GLB1: variants seen among roughly 807,000 people sequenced by gnomAD.
GLB1 encodes the protein galactosidase beta 1, also known as beta-galactosidase.
GLB1 carries 56 observed loss-of-function variants against 74.0 expected under a neutral mutation model. The ratio of observed to expected loss-of-function variants is 0.76; its 90% CI spans 0.61 to 0.94. The LOEUF (loss-of-function observed/expected upper bound fraction) is 0.94. Ranked by LOEUF, GLB1 falls within the 40% of genes least tolerant of loss-of-function variation. GLB1 has a pLI of 0.00. For synonymous variants in GLB1, 323 were observed against 323.6 expected (o/e 1.00, Z 0.02); for missense variants, 787 against 845.5 (o/e 0.93, Z 0.86).
intron 15 of GLB1, among the ~76,000 whole-genome samples, chr3:33,005,565 T>C (rs768753976): frequency 9.2e-5 from 14 of 152,118 alleles, no homozygotes; most frequent in Non-Finnish European, 1.3e-4. Context: ...GGCATAATCA[T>C]GTCTCAGTGC....
At chr3:32,982,437 C>G in the GLB1 span, among the ~76,000 whole-genome samples, 2 of 151,436 alleles carry the variant, frequency 1.3e-5, no homozygotes, top group Non-Finnish European at 2.9e-5. Context: ...TTAAAATTAA[C>G]CAACTACCTT....
In GLB1 at chr3:33,094,160, C is replaced by T. The variant is rs375038734; in HGVS notation, c.75+2851G>A. The T allele has an allele frequency of 2.5e-6, 4 of 1,611,782 alleles. No individual in the cohort carries two copies. In the East Asian group the frequency reaches 8.9e-5, roughly 36 times the overall value. On this transcript the variant is annotated intron_variant, in intron 1 of 15. Transcript: ENST00000307363. ...AGACAGTGACAGCAGCCAGGGTGGCCTTCGCGCCTAGGGACAGCTGCCTGA... is the reference window on the plus strand; with the variant it reads ...AGACAGTGACAGCAGCCAGGGTGGCTTTCGCGCCTAGGGACAGCTGCCTGA...
the GLB1 span, among the ~76,000 whole-genome samples, chr3:32,967,489 C>T: frequency 6.6e-6 from 1 of 152,130 alleles, no homozygotes; most frequent in African/African-American, 2.4e-5. Context: ...GTTGCTTGAA[C>T]CTGGGAGGTG....
intron 2 of GLB1, among the ~76,000 whole-genome samples, chr3:33,069,960 C>CCCTCCAT (rs1699832839): frequency 6.6e-6 from 1 of 151,036 alleles, no homozygotes; most frequent in African/African-American, 2.4e-5. Context: ...CCTCCTCCCA[C>CCCTCCAT]CCTCCACCCT....
In GLB1 at chr3:33,053,527, G is replaced by A. The variant is rs142326197; in HGVS notation, c.756C>T (p.Phe252=). 1.4e-3 allele frequency: 2,196 copies of A among 1,614,136 alleles called. 9 individuals carry two copies. In the African/African-American group the frequency reaches 0.016, roughly 11 times the overall value. Residue 252 remains phenylalanine, a synonymous_variant, in exon 7 of 16, where the codon TTC becomes TTT. Transcript: ENST00000307363. ...FGTGSNITDA[F]LSQRKCEPKG... ...TGGGCTCACACTTCCTCTGGCTTAG[G>A]AAAGCATCTGTGATGTTGCTGCCTG...
chr3:33,024,369 T>C, intron 10 of GLB1, 44 bp from the exon 11 acceptor site: 2 of 1,572,518 alleles, frequency 1.3e-6, no homozygotes, highest in South Asian at 1.2e-5. Context: ...AAAAAGTTGG[T>C]AAACCTTCAG....
In GLB1 at chr3:33,051,917, A is replaced by G; in HGVS notation, c.880T>C (p.Tyr294His). The G allele has an allele frequency of 6.2e-7, 1 of 1,614,224 alleles. No individual in the cohort carries two copies. The highest frequency in any genetic ancestry group is 1.1e-5 in the South Asian group (1 of 91,090). Residue 294 changes from tyrosine to histidine, a missense_variant, in exon 8 of 16, where the codon TAT becomes CAT. Coordinates refer to ENST00000307363, the MANE Select transcript of GLB1 (RefSeq NM_000404.4). ...IKTEAVASSL[Y>H]DILARGASVN... ...CTCGCCCCACGGGCAAGTATATCAT[A>G]GAGGGAGGAAGCCACTGCTTCGGTC...
chr3:33,056,096 C>A (rs1198217170), intron 6 of GLB1, among the ~76,000 whole-genome samples: 1 of 151,640 alleles, frequency 6.6e-6, no homozygotes, highest in African/African-American at 2.4e-5. Context: ...GGCGTGGTGG[C>A]AGGTGCCTGT....
chr3:32,997,046 CA>C lies in GLB1; in HGVS notation c.2032del (p.Ter678AspfsTer8). On this transcript the variant is annotated frameshift_variant and stop_lost, in exon 16 of 16. Coordinates refer to ENST00000307363, the MANE Select transcript of GLB1 (RefSeq NM_000404.4). LOFTEE classifies it high-confidence loss of function. ...CCTCAAAGACACAGGCTTTCATCAT[CA>C]TACATGGTCCAGCCATGAATCTTTG... ...KNKDSWLDHV* is the reference protein window; with the variant it reads ...KNKDSWLDHVX The C allele has an allele frequency of 6.2e-7, 1 of 1,614,132 alleles. No individual in the cohort carries two copies. Among genetic ancestry groups the C allele is most frequent in the Non-Finnish European group, 8.5e-7 (1 of 1,180,042 alleles).
At chr3:33,034,795 G>C in intron 10 of GLB1, 1 of 621,210 alleles carries the variant, frequency 1.6e-6, no homozygotes, top group South Asian at 1.4e-5. Flanking sequence ...TAGAGGGCCA[G>C]CATAACAAGC....
chr3:33,051,615 A>AAAAAAAAAAAAAAAAAAAAAAG lies in GLB1; in HGVS notation c.955+142_955+143insCTTTTTTTTTTTTTTTTTTTTT, dbSNP rs764769471. ...GTGAGACTGTCTACAAAAAAAAAAA[A>AAAAAAAAAAAAAAAAAAAAAAG]AAAAGAAAAAGAAAAAAAAAGAAAA... On this transcript the variant is annotated intron_variant, in intron 9 of 15. Coordinates refer to ENST00000307363, the MANE Select transcript of GLB1 (RefSeq NM_000404.4). 3.5e-6 allele frequency: 4 copies of AAAAAAAAAAAAAAAAAAAAAAG among 1,149,440 alleles called. No individual in the cohort carries two copies. In the African/African-American group the frequency reaches 5.2e-5, roughly 15 times the overall value. The allele number at this position is 1,149,440 out of a possible 1,614,324, so 71.2% of individuals were successfully genotyped here.
At chr3:33,063,931 G>C (rs2125541036) in intron 5 of GLB1, among the ~76,000 whole-genome samples, 1 of 152,216 alleles carries the variant, frequency 6.6e-6, no homozygotes, top group South Asian at 2.1e-4. Context: ...ACCCTGGCCA[G>C]TGCAGCCCTC....
chr3:33,071,093 G>A (rs894445422), intron 2 of GLB1, among the ~76,000 whole-genome samples: 1 of 152,194 alleles, frequency 6.6e-6, no homozygotes, highest in African/African-American at 2.4e-5. Context: ...GACAGCATGG[G>A]ATACAAAGTT....
chr3:33,026,659 T>C (rs1479024457), intron 10 of GLB1, among the ~76,000 whole-genome samples: 2 of 152,056 alleles, frequency 1.3e-5, no homozygotes, highest in South Asian at 2.1e-4. Flanking sequence ...TCCTCCCCAC[T>C]GAAGCCCATA....
downstream of GLB1, among the ~76,000 whole-genome samples, chr3:32,994,920 CAAAAAAAA>C (rs56169200): frequency 8.0e-4 from 93 of 115,770 alleles, no homozygotes; most frequent in Non-Finnish European, 1.3e-3. Flanking sequence ...GACTCTGTTT[CAAAAAAAA>C]AAAAAAAAAA....
chr3:33,074,991 C>A (rs1482909862), intron 1 of GLB1, among the ~76,000 whole-genome samples: 1 of 152,204 alleles, frequency 6.6e-6, no homozygotes. Context: ...TAAATAAACA[C>A]AAACAACTAA....
At chr3:33,016,672 C>T (rs1029095516) in intron 14 of GLB1, 37 bp downstream of exon 14, 3 of 1,611,656 alleles carry the variant, frequency 1.9e-6, no homozygotes, top group African/African-American at 2.7e-5. Context: ...AGTTGTCACC[C>T]CTTAAACCTT....
chr3:33,059,934 C>A (rs1699375853), intron 5 of GLB1, among the ~76,000 whole-genome samples: 2 of 152,160 alleles, frequency 1.3e-5, no homozygotes, highest in South Asian at 4.1e-4. Context: ...AGGTGCTTAG[C>A]CTGAGTGCCT....
At chr3:33,000,196 C>T (rs1052000317) in intron 15 of GLB1, among the ~76,000 whole-genome samples, 11 of 152,130 alleles carry the variant, frequency 7.2e-5, no homozygotes, top group Admixed American at 6.5e-4. Flanking sequence ...CCATCAGCCT[C>T]CCAAAAAGTG....
Sources: allele counts gnomAD v4.1 joint callset (sites outside exome capture counted in the v4.1 genomes callset), GRCh38; gene constraint gnomAD v4.1.1; transcripts MANE v1.5; gene names NCBI Gene and HGNC (gene_info 2026-07-23, HGNC 2026-07-21).